The following DLGAP1 variants were observed in gnomAD, a reference collection of about 807,000 sequenced individuals.
DLGAP1 encodes the protein DLG associated protein 1, also known as disks large-associated protein 1.
Under a neutral mutation model 90.8 loss-of-function variants are expected in DLGAP1, and 11 were observed. That is an observed-to-expected ratio of 0.12 (90% CI 0.08 to 0.20). The LOEUF is 0.20. Ranked by LOEUF, DLGAP1 falls within the 10% of genes least tolerant of loss-of-function variation. The probability of loss-of-function intolerance (pLI) is 1.00; values close to 1 mark genes in which losing one functional copy is unlikely to be tolerated. For synonymous variants in DLGAP1, 558 were observed against 540.7 expected (o/e 1.03, Z -0.44); for missense variants, 1,050 against 1,333.8 (o/e 0.79, Z 3.31).
intron 3 of DLGAP1, among the ~76,000 whole-genome samples, chr18:3,886,770 T>G (rs1384250083): frequency 2.0e-5 from 3 of 152,218 alleles, no homozygotes; most frequent in Non-Finnish European, 4.4e-5. Context: ...GACTACATTT[T>G]CCATTCTCCC....
chr18:3,904,274 C>T (rs190193355), intron 3 of DLGAP1, among the ~76,000 whole-genome samples: 1 of 152,338 alleles, frequency 6.6e-6, no homozygotes, highest in African/African-American at 2.4e-5. Flanking sequence ...CACCAAGGGC[C>T]AAGCAGTGCA....
At position 3,699,433 on chromosome 18, in the gene DLGAP1, C is replaced by T. The variant is rs1403203190; in HGVS notation, c.1591+29702G>A. On this transcript the variant is annotated intron_variant, in intron 7 of 12. Transcript: ENST00000315677. ...GGTCTGCTGGAGTTTTCTGGAGGTC[C>T]GCTCCAGATCCTGTTGCCTGGGTAT... Among the ~76,000 whole-genome samples the T allele has an allele frequency of 4.6e-5, 7 of 152,102 alleles. No homozygotes were observed. In the South Asian group the frequency reaches 6.2e-4, roughly 14 times the overall value.
chr18:4,237,793 T>C (rs189743561), intron 1 of DLGAP1, among the ~76,000 whole-genome samples: 2 of 152,290 alleles, frequency 1.3e-5, no homozygotes, highest in African/African-American at 4.8e-5. Flanking sequence ...TTAAACTAAG[T>C]TATGTTAACA....
intron 2 of DLGAP1, among the ~76,000 whole-genome samples, chr18:4,031,106 G>T (rs1283285200): frequency 6.6e-6 from 1 of 151,954 alleles, no homozygotes; most frequent in East Asian, 1.9e-4. Context: ...AGTCAGCAGG[G>T]GTCCAGCATG....
chr18:4,263,007 A>T (rs2079033288), intron 1 of DLGAP1, among the ~76,000 whole-genome samples: 1 of 152,054 alleles, frequency 6.6e-6, no homozygotes, highest in South Asian at 2.1e-4. Flanking sequence ...ATTTCGGCTC[A>T]GTGTAATCTC....
chr18:3,858,518 A>G (rs1274453802), intron 4 of DLGAP1, among the ~76,000 whole-genome samples: 1 of 147,308 alleles, frequency 6.8e-6, no homozygotes, highest in African/African-American at 2.5e-5. Flanking sequence ...ATATACACGT[A>G]TATATATATG....
chr18:3,872,928 TGG>T (rs796196341), intron 4 of DLGAP1, among the ~76,000 whole-genome samples: 15 of 152,310 alleles, frequency 9.8e-5, no homozygotes, highest in African/African-American at 3.6e-4. Context: ...ATTAGTAGAT[TGG>T]AATTCTGTGA....
intron 7 of DLGAP1, among the ~76,000 whole-genome samples, chr18:3,720,568 G>A (rs1295539412): frequency 6.6e-6 from 1 of 152,082 alleles, no homozygotes; most frequent in Non-Finnish European, 1.5e-5. Flanking sequence ...TCAGGTCTTG[G>A]ATTTACCACC....
chr18:3,697,696 A>G (rs892212793), intron 7 of DLGAP1, among the ~76,000 whole-genome samples: 1 of 152,128 alleles, frequency 6.6e-6, no homozygotes, highest in Non-Finnish European at 1.5e-5. Context: ...GTAGATGTCT[A>G]TTAGGTCCAC....
At chr18:4,225,198 CTA>C (rs1452892659) in intron 1 of DLGAP1, among the ~76,000 whole-genome samples, 2 of 152,096 alleles carry the variant, frequency 1.3e-5, no homozygotes, top group East Asian at 3.9e-4. Flanking sequence ...CTTCAAGCCT[CTA>C]TGAGGCTGGA....
At chr18:3,710,957 T>A (rs913470785) in intron 7 of DLGAP1, among the ~76,000 whole-genome samples, 1 of 152,094 alleles carries the variant, frequency 6.6e-6, no homozygotes, top group African/African-American at 2.4e-5. Context: ...GTAACAGGTG[T>A]TCCTGAGAAG....
chr18:4,333,866 C>T (rs1363839901), intron 1 of DLGAP1, among the ~76,000 whole-genome samples: 1 of 151,186 alleles, frequency 6.6e-6, no homozygotes, highest in Non-Finnish European at 1.5e-5. Context: ...TCCCAAAGTG[C>T]CGGGACCACA....
intron 7 of DLGAP1, among the ~76,000 whole-genome samples, chr18:3,686,893 AAGGATCCTG>A (rs1387054304): frequency 6.6e-6 from 1 of 152,164 alleles, no homozygotes; most frequent in African/African-American, 2.4e-5. Flanking sequence ...AGAACTGATT[AAGGATCCTG>A]AGGTGGTGAG....
chr18:3,764,886 C>T (rs891808528), intron 5 of DLGAP1, among the ~76,000 whole-genome samples: 1 of 151,978 alleles, frequency 6.6e-6, no homozygotes, highest in Non-Finnish European at 1.5e-5. Context: ...AGGTGAGTGG[C>T]GTCAACTTTG....
At chr18:3,911,728 G>A (rs1442368) in intron 3 of DLGAP1, among the ~76,000 whole-genome samples, 74,502 of 152,098 alleles carry the variant, frequency 0.49, 18,485 homozygotes, top group African/African-American at 0.55. Flanking sequence ...GAACTGAAAT[G>A]AACAAGACTT....
chr18:3,628,003 C>T (rs538865393), intron 7 of DLGAP1, among the ~76,000 whole-genome samples: 23 of 151,174 alleles, frequency 1.5e-4, no homozygotes, highest in Middle Eastern at 3.4e-3. Flanking sequence ...CACAGCCTCC[C>T]GAGTAGCTGG....
intron 1 of DLGAP1, among the ~76,000 whole-genome samples, chr18:4,214,258 G>C (rs2077905591): frequency 6.6e-6 from 1 of 152,002 alleles, no homozygotes; most frequent in Admixed American, 6.6e-5. Flanking sequence ...ATGGGAACCG[G>C]AGTCGTGGAT....
chr18:3,512,747 A>G (rs566816476), intron 10 of DLGAP1, among the ~76,000 whole-genome samples: 4 of 152,334 alleles, frequency 2.6e-5, no homozygotes, highest in African/African-American at 9.6e-5. Context: ...GCTGTGGCCA[A>G]TCCCCGTCTT....
chr18:3,660,329 AG>A lies in DLGAP1; in HGVS notation c.1591+68805del, dbSNP rs1401996259. Among the ~76,000 whole-genome samples the A allele has an allele frequency of 6.6e-6, 1 of 152,216 alleles. No individual in the cohort carries two copies. Among genetic ancestry groups the A allele is most frequent in the Non-Finnish European group, 1.5e-5 (1 of 68,034 alleles). ...TGGCTTTCTTTTATTTTTTAAAAAT[AG>A]CACTTTTCACTGTTTGCAGTTATCT... On this transcript the variant is annotated intron_variant, in intron 7 of 12. Coordinates refer to ENST00000315677, the MANE Select transcript of DLGAP1 (RefSeq NM_004746.4). The surrounding 1 kb of genome is among the most constrained non-coding windows in gnomAD (Gnocchi z 4.2).
Sources: allele counts gnomAD v4.1 joint callset (sites outside exome capture counted in the v4.1 genomes callset), GRCh38; gene constraint gnomAD v4.1.1; non-coding constraint Gnocchi (gnomAD v3.1); transcripts MANE v1.5; gene names NCBI Gene and HGNC (gene_info 2026-07-23, HGNC 2026-07-21).